The following PTPRJ variants were observed in gnomAD, a reference collection of about 807,000 sequenced individuals.
The protein encoded by PTPRJ is receptor-type tyrosine-protein phosphatase eta.
Under a neutral mutation model 141.3 loss-of-function variants are expected in PTPRJ, and 129 were observed. The ratio of observed to expected loss-of-function variants is 0.91; its 90% CI spans 0.79 to 1.06. The LOEUF is 1.06. PTPRJ is among the 50% of genes least tolerant of loss of function. The pLI is 0.00. For missense variants in PTPRJ, 1,601 were observed against 1,679.7 expected (o/e 0.95, Z 0.82); for synonymous variants, 610 against 640.5 (o/e 0.95, Z 0.72).
intron 1 of PTPRJ, among the ~76,000 whole-genome samples, chr11:47,997,453 A>C (rs1046128115): frequency 6.6e-6 from 1 of 152,194 alleles, no homozygotes; most frequent in Admixed American, 6.5e-5. Flanking sequence ...CCAGGGCTCA[A>C]AAGAGGGTTC....
rs1206503872 is a variant in PTPRJ, at chr11:48,026,996, CTTTTTTTTTTT to C, written c.96+46004_96+46014del. ...TGATTTGGATGGGTCTTGGAATACC[CTTTTTTTTTTT>C]TTTTTTTTTTTTTTTGAGACGGCGT... is the stretch of plus-strand genomic sequence containing the variant. On this transcript the variant is annotated intron_variant, in intron 1 of 24. Transcript: ENST00000418331. Among the ~76,000 whole-genome samples, 10 of 113,224 alleles carry C rather than the reference CTTTTTTTTTTT, an allele frequency of 8.8e-5. No individual in the cohort carries two copies. In the South Asian group the frequency reaches 2.7e-3, roughly 30 times the overall value. 74.3% of individuals were successfully genotyped at this position (113,224 alleles called of 152,430 possible).
chr11:48,154,309 AG>A (rs1857552245), intron 19 of PTPRJ, among the ~76,000 whole-genome samples: 1 of 152,250 alleles, frequency 6.6e-6, no homozygotes, highest in Admixed American at 6.5e-5. Context: ...AAGTGAGCAG[AG>A]GGAGACGGGG....
intron 3 of PTPRJ, among the ~76,000 whole-genome samples, chr11:48,116,134 T>TAA (rs113529146): frequency 2.8e-4 from 41 of 146,512 alleles, no homozygotes; most frequent in Non-Finnish European, 5.0e-4. Flanking sequence ...GTGAATGGGT[T>TAA]AAAAAAAAAA....
At chr11:48,040,078 A>G (rs1050096500) in intron 1 of PTPRJ, among the ~76,000 whole-genome samples, 1 of 152,178 alleles carries the variant, frequency 6.6e-6, no homozygotes, top group African/African-American at 2.4e-5. Flanking sequence ...CGTGAGCCAC[A>G]CCGCCTGGCC....
intron 24 of PTPRJ, 66 bp from the exon 25 acceptor site, chr11:48,167,138 A>G (rs1409882925): frequency 1.3e-6 from 2 of 1,481,568 alleles, no homozygotes; most frequent in Non-Finnish European, 9.3e-7. Flanking sequence ...GTTTGAAAAT[A>G]ATTTTGGGTG....
At chr11:48,088,931 A>G (rs1855786678) in intron 1 of PTPRJ, among the ~76,000 whole-genome samples, 1 of 152,150 alleles carries the variant, frequency 6.6e-6, no homozygotes, top group Non-Finnish European at 1.5e-5. Flanking sequence ...GTCAGCTCAC[A>G]TGCTTTGTTT....
intron 3 of PTPRJ, among the ~76,000 whole-genome samples, chr11:48,116,522 C>T (rs1590521615): frequency 6.6e-6 from 1 of 152,296 alleles, no homozygotes; most frequent in East Asian, 1.9e-4. Context: ...ATGATCCAGA[C>T]AGGAAATCAA....
intron 1 of PTPRJ, among the ~76,000 whole-genome samples, chr11:48,083,439 AT>A (rs1322364488): frequency 1.3e-5 from 2 of 152,234 alleles, no homozygotes; most frequent in East Asian, 3.8e-4. Flanking sequence ...CAAATAAAAA[AT>A]ATTATTTTTC....
intron 1 of PTPRJ, among the ~76,000 whole-genome samples, chr11:48,067,394 G>A (rs1429336544): frequency 2.0e-5 from 3 of 152,136 alleles, no homozygotes; most frequent in African/African-American, 4.8e-5. Context: ...GTCCCTCCTC[G>A]GAGGTCCCCT....
chr11:48,079,227 A>T (rs1855496510), intron 1 of PTPRJ, among the ~76,000 whole-genome samples: 1 of 152,128 alleles, frequency 6.6e-6, no homozygotes, highest in African/African-American at 2.4e-5. Flanking sequence ...GTCTGCATTC[A>T]AAGCCATGGT....
chr11:48,126,101 C>A (rs560122010), intron 6 of PTPRJ, among the ~76,000 whole-genome samples: 1 of 151,996 alleles, frequency 6.6e-6, no homozygotes, highest in African/African-American at 2.4e-5. Flanking sequence ...GGTAAGCTTG[C>A]GTGAGAGAGT....
At chr11:47,996,834 G>A (rs1854349975) in intron 1 of PTPRJ, among the ~76,000 whole-genome samples, 1 of 152,236 alleles carries the variant, frequency 6.6e-6, no homozygotes, top group African/African-American at 2.4e-5. Flanking sequence ...AATCGTTGGA[G>A]ATGGGGGTGC....
At chr11:48,152,973 C>A (rs1425039725) in intron 18 of PTPRJ, among the ~76,000 whole-genome samples, 12 of 152,284 alleles carry the variant, frequency 7.9e-5, no homozygotes, top group Non-Finnish European at 1.3e-4. Flanking sequence ...AGAAATCCAA[C>A]ATATCTTTTT....
At chr11:48,135,924 G>A in intron 8 of PTPRJ, 115 bp from the exon 9 acceptor site, 1 of 1,232,696 alleles carries the variant, frequency 8.1e-7, no homozygotes, top group Non-Finnish European at 1.1e-6. Context: ...TGCCTTTTGT[G>A]AACTCATTAG....
In PTPRJ at chr11:48,126,803, C is replaced by G. The variant is rs1201771026; in HGVS notation, c.1094-977C>G. Among the ~76,000 whole-genome samples, 1,111 of 141,412 alleles carry G rather than the reference C, an allele frequency of 7.9e-3. 18 individuals carry two copies. The highest frequency in any genetic ancestry group is 0.03 in the African/African-American group (1,055 of 35,044). The allele number at this position is 141,412 out of a possible 152,430, so 92.8% of individuals were successfully genotyped here. A position where few individuals can be genotyped will look rare whatever the true frequency, so the allele number is the denominator to read the frequency against. ...ACACACACACACACACACACACACA[C>G]ACACACACACACACACAGATAAACA... On this transcript the variant is annotated intron_variant, in intron 6 of 24. Coordinates refer to ENST00000418331, the MANE Select transcript of PTPRJ (RefSeq NM_002843.4).
intron 1 of PTPRJ, among the ~76,000 whole-genome samples, chr11:47,982,763 T>C (rs758064618): frequency 6.6e-6 from 1 of 152,072 alleles, no homozygotes; most frequent in Non-Finnish European, 1.5e-5. Context: ...AAAAAGTTTC[T>C]TGGGTAAATT....
At chr11:48,014,517 G>T (rs1369455476) in intron 1 of PTPRJ, 4 of 152,166 alleles carry the variant, frequency 2.6e-5, no homozygotes, top group Non-Finnish European at 5.9e-5. Context: ...GCTAGTGACT[G>T]CTCCAGGTGC....
At chr11:48,061,332 C>T (rs1337247710) in intron 1 of PTPRJ, among the ~76,000 whole-genome samples, 1 of 152,152 alleles carries the variant, frequency 6.6e-6, no homozygotes, top group African/African-American at 2.4e-5. Flanking sequence ...ATAGGAGTGG[C>T]CACCTGACCC....
intron 21 of PTPRJ, among the ~76,000 whole-genome samples, chr11:48,159,122 GGT>G (rs1174836598): frequency 0.28 from 1,458 of 5,268 alleles, 46 homozygotes; most frequent in African/African-American, 0.34. Context: ...GTGTATGTGG[GGT>G]GTGTGTGTGT....
Sources: allele counts gnomAD v4.1 joint callset (sites outside exome capture counted in the v4.1 genomes callset), GRCh38; gene constraint gnomAD v4.1.1; transcripts MANE v1.5; gene names NCBI Gene and HGNC (gene_info 2026-07-23, HGNC 2026-07-21).